Variants in PDE1C observed in about 807,000 individuals in gnomAD.
PDE1C encodes the protein phosphodiesterase 1C, also known as dual specificity calcium/calmodulin-dependent 3',5'-cyclic nucleotide phosphodiesterase 1C.
PDE1C carries 62 observed loss-of-function variants against 93.1 expected under a neutral mutation model. The observed-to-expected ratio is 0.67, with a 90% confidence interval of 0.54 to 0.82. The LOEUF (loss-of-function observed/expected upper bound fraction) is 0.82. Ranked by LOEUF, PDE1C falls within the 40% of genes least tolerant of loss-of-function variation. The pLI is 0.00. For synonymous variants in PDE1C, 325 were observed against 310.1 expected, an observed-to-expected ratio of 1.05 and a Z score of -0.50; for missense variants, 742 against 884.6, an observed-to-expected ratio of 0.84 and a Z score of 2.04.
At chr7:31,805,045 C>T (rs1396458231) in intron 16 of PDE1C, among the ~76,000 whole-genome samples, 1 of 151,698 alleles carries the variant, frequency 6.6e-6, no homozygotes, top group African/African-American at 2.4e-5. Context: ...AAATAAGTCT[C>T]ACGAGATGTG....
At chr7:32,215,556 G>C (rs1267114880) in intron 1 of PDE1C, among the ~76,000 whole-genome samples, 1 of 152,152 alleles carries the variant, frequency 6.6e-6, no homozygotes. Context: ...GGAGACCAAT[G>C]GGAGGGAGGC....
At chr7:32,206,922 G>A (rs1805603893) in intron 2 of PDE1C, among the ~76,000 whole-genome samples, 1 of 146,056 alleles carries the variant, frequency 6.8e-6, no homozygotes, top group South Asian at 2.1e-4. Context: ...GCATTTGTGA[G>A]GGGAAGAGAT....
intron 9 of PDE1C, among the ~76,000 whole-genome samples, chr7:31,843,508 G>T (rs986905065): frequency 6.6e-6 from 1 of 151,738 alleles, no homozygotes; most frequent in Non-Finnish European, 1.5e-5. Flanking sequence ...TAACACCACT[G>T]CATTCTACTT....
chr7:32,147,236 T>C (rs1478140346), intron 3 of PDE1C, among the ~76,000 whole-genome samples: 2 of 67,016 alleles, frequency 3.0e-5, no homozygotes, highest in African/African-American at 1.3e-4. Context: ...ATTTGGTAAA[T>C]AAAAAAGAAA....
chr7:32,383,780 T>C (rs1470394524), intron 1 of PDE1C, among the ~76,000 whole-genome samples: 1 of 152,178 alleles, frequency 6.6e-6, no homozygotes, highest in Non-Finnish European at 1.5e-5. Context: ...TTTCTGACAC[T>C]GGAAAGGGTC....
intron 2 of PDE1C, among the ~76,000 whole-genome samples, chr7:32,192,003 C>T (rs187315425): frequency 6.6e-5 from 10 of 152,162 alleles, no homozygotes; most frequent in African/African-American, 2.2e-4. Flanking sequence ...TATTTGCCAT[C>T]GGTATATTTT....
intron 15 of PDE1C, among the ~76,000 whole-genome samples, chr7:31,812,743 A>G (rs1239821477): frequency 2.0e-5 from 3 of 152,146 alleles, no homozygotes; most frequent in Non-Finnish European, 4.4e-5. Flanking sequence ...TCCCTTATAG[A>G]AAAAGCATGC....
chr7:31,791,652 G>T (rs1039089577), intron 16 of PDE1C, among the ~76,000 whole-genome samples: 1 of 152,080 alleles, frequency 6.6e-6, no homozygotes, highest in African/African-American at 2.4e-5. Context: ...ATGACAGAAG[G>T]TTGGGTTTGA....
At chr7:32,080,589 G>A (rs759610701) in intron 3 of PDE1C, among the ~76,000 whole-genome samples, 38 of 152,230 alleles carry the variant, frequency 2.5e-4, no homozygotes, top group African/African-American at 5.8e-4. Flanking sequence ...GCTATCTGGC[G>A]GAGAATTACT....
intron 9 of PDE1C, among the ~76,000 whole-genome samples, chr7:31,844,574 T>C (rs1050511882): frequency 1.2e-4 from 18 of 152,018 alleles, no homozygotes; most frequent in African/African-American, 3.9e-4. Context: ...TTATTTTATC[T>C]TTGCCTCTCA....
rs1262625414 is a variant in PDE1C, at chr7:32,171,524, AAATT to A, written c.137-1572_137-1569del. 3.4e-5 allele frequency among the ~76,000 whole-genome samples: 5 copies of A among 149,180 alleles called. No individual in the cohort carries two copies. The South Asian group carries it at 6.2e-4, about 19-fold the overall frequency. ...TATTATTATTAAAATTAAATTATTA[AAATT>A]AATATTTTAATAAAATTTTATTATT... On this transcript the variant is annotated intron_variant, in intron 2 of 18. Transcript: ENST00000396193.
At chr7:32,123,360 A>AT (rs1563331881) in intron 3 of PDE1C, among the ~76,000 whole-genome samples, 1 of 152,208 alleles carries the variant, frequency 6.6e-6, no homozygotes, top group African/African-American at 2.4e-5. Flanking sequence ...AACTCATTTT[A>AT]TAAAGCCAGC....
intron 6 of PDE1C, among the ~76,000 whole-genome samples, chr7:31,867,708 G>A (rs546340748): frequency 2.0e-5 from 3 of 152,192 alleles, no homozygotes; most frequent in Admixed American, 2.0e-4. Flanking sequence ...TGGCTCCTGA[G>A]CAAGCCACCT....
chr7:31,643,197 C>T, the PDE1C span: 1 of 1,613,932 alleles, frequency 6.2e-7, no homozygotes, highest in East Asian at 2.2e-5. Flanking sequence ...AAGACAAGTT[C>T]CTTCATGTTG....
chr7:32,208,021 T>C (rs1387677680), intron 2 of PDE1C, among the ~76,000 whole-genome samples: 2 of 152,194 alleles, frequency 1.3e-5, no homozygotes, highest in Admixed American at 1.3e-4. Context: ...CTCGTTGAGC[T>C]GTGGGATGAA....
At chr7:31,647,841 C>G in the PDE1C span, among the ~76,000 whole-genome samples, 1 of 152,168 alleles carries the variant, frequency 6.6e-6, no homozygotes, top group East Asian at 1.9e-4. Flanking sequence ...ATATATAACA[C>G]TGCAGATAAA....
rs1000872679 is a variant in PDE1C, at chr7:31,806,049, G to A, written c.1891+2982C>T. On this transcript the variant is annotated intron_variant, in intron 16 of 17. Transcript: ENST00000396191. The stretch of plus-strand genomic sequence containing the variant: ...GAAGACATTCATAGACTGTCTTGCC[G>A]ACCCTTTCCACTCTTCATAACTCAC... Among the ~76,000 whole-genome samples the A allele has an allele frequency of 8.6e-5, 13 of 151,794 alleles. 1 individual carries two copies. The highest frequency in any genetic ancestry group is 1.9e-4 in the East Asian group (1 of 5,136).
chr7:31,788,011 A>G (rs1338853368), intron 16 of PDE1C: 1 of 152,186 alleles, frequency 6.6e-6, no homozygotes, highest in African/African-American at 2.4e-5. Context: ...TGAGAGTTTT[A>G]GGTGAAGTTC....
upstream of PDE1C, among the ~76,000 whole-genome samples, chr7:32,302,968 G>T (rs1812914641): frequency 6.6e-6 from 1 of 152,278 alleles, no homozygotes; most frequent in African/African-American, 2.4e-5. Context: ...ATTCTAGAAA[G>T]GGCCTCTTCC....
Sources: allele counts gnomAD v4.1 joint callset (sites outside exome capture counted in the v4.1 genomes callset), GRCh38; gene constraint gnomAD v4.1.1; transcripts MANE v1.5; gene names NCBI Gene and HGNC (gene_info 2026-07-23, HGNC 2026-07-21).